ATF6: variants seen among roughly 807,000 people sequenced by gnomAD.
The protein encoded by ATF6 is activating transcription factor 6, also known as cyclic AMP-dependent transcription factor ATF-6 alpha.
A neutral mutation model predicts 83.6 loss-of-function variants in ATF6; 53 were observed. The ratio of observed to expected loss-of-function variants is 0.63; its 90% CI spans 0.51 to 0.80. ATF6 has a LOEUF of 0.80. ATF6 is among the 30% of genes least tolerant of loss of function. ATF6 has a pLI of 0.00. For synonymous variants in ATF6, 288 were observed against 285.8 expected (o/e 1.01, Z -0.08); for missense variants, 744 against 797.9 (o/e 0.93, Z 0.81).
At chr1:161,843,200 GAGGAAACTGGAGTACCCAC>G (rs1015191294) in intron 9 of ATF6, among the ~76,000 whole-genome samples, 1 of 152,170 alleles carries the variant, frequency 6.6e-6, no homozygotes, top group Non-Finnish European at 1.5e-5. Flanking sequence ...TGAGATGTGG[GAGGAAACTGGAGTACCCAC>G]AGGAAACTCA....
At chr1:161,865,938 A>G (rs981581989) in intron 14 of ATF6, among the ~76,000 whole-genome samples, 4 of 151,470 alleles carry the variant, frequency 2.6e-5, no homozygotes, top group Non-Finnish European at 4.4e-5. Context: ...TGCTGAAATG[A>G]AAATGAAATA....
intron 7 of ATF6, among the ~76,000 whole-genome samples, chr1:161,807,696 T>TAGCA (rs1685325225): frequency 6.6e-6 from 1 of 152,124 alleles, no homozygotes; most frequent in Admixed American, 6.5e-5. Flanking sequence ...TTATCTTGAA[T>TAGCA]AGCAGTTCAG....
chr1:161,954,355 C>T (rs547123687), intron 15 of ATF6, among the ~76,000 whole-genome samples: 16 of 152,270 alleles, frequency 1.1e-4, no homozygotes, highest in African/African-American at 3.4e-4. Flanking sequence ...GTACCCCACA[C>T]CCCAGGGGAT....
At chr1:161,899,456 C>G (rs993276180) in intron 14 of ATF6, among the ~76,000 whole-genome samples, 1 of 151,984 alleles carries the variant, frequency 6.6e-6, no homozygotes, top group Non-Finnish European at 1.5e-5. Context: ...TTTTCAAAAC[C>G]GATTCTCTGT....
chr1:161,841,531 T>C (rs1002832454), intron 9 of ATF6, among the ~76,000 whole-genome samples: 11 of 152,200 alleles, frequency 7.2e-5, no homozygotes, highest in African/African-American at 2.2e-4. Flanking sequence ...TTTATTAATA[T>C]ATTACCTCTT....
chr1:161,774,217 C>T (rs966308656), intron 1 of ATF6, among the ~76,000 whole-genome samples: 2 of 152,210 alleles, frequency 1.3e-5, no homozygotes, highest in Non-Finnish European at 1.5e-5. Context: ...TCTCTTCTGC[C>T]GCTATGAGAA....
At chr1:161,823,821 A>C (rs1240151028) in intron 9 of ATF6, among the ~76,000 whole-genome samples, 1 of 152,192 alleles carries the variant, frequency 6.6e-6, no homozygotes, top group African/African-American at 2.4e-5. Flanking sequence ...GGATCCCCAG[A>C]GTTCCTTGGA....
chr1:161,958,391 G>T (rs1689010326), intron 15 of ATF6, 55 bp from the exon 16 acceptor site: 1 of 1,505,406 alleles, frequency 6.6e-7, no homozygotes, highest in East Asian at 2.3e-5. Flanking sequence ...GAAGCTTATG[G>T]CAGAGATGCA....
intron 7 of ATF6, among the ~76,000 whole-genome samples, chr1:161,808,264 C>T (rs1685352943): frequency 6.6e-6 from 1 of 152,084 alleles, no homozygotes; most frequent in African/African-American, 2.4e-5. Context: ...ACTTCTCTCT[C>T]CTTTCTCTAA....
chr1:161,849,731 A>G (rs1376114738), intron 10 of ATF6, among the ~76,000 whole-genome samples: 5 of 152,038 alleles, frequency 3.3e-5, no homozygotes, highest in African/African-American at 4.8e-5. Context: ...GTTCATATCT[A>G]TATGTCCTGA....
intron 2 of ATF6, among the ~76,000 whole-genome samples, chr1:161,780,148 A>C (rs748611648): frequency 7.2e-5 from 11 of 152,048 alleles, no homozygotes; most frequent in Non-Finnish European, 1.5e-4. Context: ...TTTCATGTGC[A>C]CTTTCACATG....
At chr1:161,875,049 A>G (rs1304280438) in intron 14 of ATF6, among the ~76,000 whole-genome samples, 1 of 151,802 alleles carries the variant, frequency 6.6e-6, no homozygotes. Context: ...AAGAAACATT[A>G]ATGAGAAGAG....
chr1:161,804,078 T>A (rs2101758318), intron 7 of ATF6, among the ~76,000 whole-genome samples: 1 of 146,666 alleles, frequency 6.8e-6, no homozygotes, highest in African/African-American at 2.5e-5. Context: ...CACCTATGAG[T>A]GAGAATATGC....
rs150771457 is a variant in ATF6 at position 161,769,072 on chromosome 1, G to A, written c.82+2630G>A. On this transcript the variant is annotated intron_variant, in intron 1 of 15. Transcript: ENST00000367942. Reference sequence around the variant, plus strand: ...GAGTCTTCAAACATTTTCTGTAAAGGTTCAGATAGTAAATATTTTAGGCTT... The same window carrying A: ...GAGTCTTCAAACATTTTCTGTAAAGATTCAGATAGTAAATATTTTAGGCTT... Among the ~76,000 whole-genome samples the A allele has an allele frequency of 1.2e-3, 178 of 152,140 alleles. 1 individual carries two copies. Among genetic ancestry groups the A allele is most frequent in the Non-Finnish European group, 1.9e-3 (127 of 68,020 alleles).
At chr1:161,816,175 T>G (rs1452643295) in intron 7 of ATF6, among the ~76,000 whole-genome samples, 3 of 152,216 alleles carry the variant, frequency 2.0e-5, no homozygotes, top group Non-Finnish European at 4.4e-5. Context: ...CCTTTTTACT[T>G]TTTCCAAGGC....
intron 12 of ATF6, among the ~76,000 whole-genome samples, chr1:161,857,907 G>A (rs1686798698): frequency 6.6e-6 from 1 of 152,140 alleles, no homozygotes; most frequent in Non-Finnish European, 1.5e-5. Flanking sequence ...TGATATCAAA[G>A]TATAATCTCT....
chr1:161,851,966 G>A, intron 11 of ATF6, 131 bp downstream of exon 11: 1 of 657,456 alleles, frequency 1.5e-6, no homozygotes, highest in South Asian at 2.2e-5. Flanking sequence ...ATAACTGTAG[G>A]CATATTAGTT....
intron 15 of ATF6, among the ~76,000 whole-genome samples, chr1:161,956,914 C>T (rs956931674): frequency 1.3e-5 from 2 of 152,000 alleles, no homozygotes; most frequent in African/African-American, 4.8e-5. Context: ...ATCTGATGGC[C>T]CCTCTCTCCA....
rs571305670 is a variant in ATF6, at chr1:161,885,286, C to G, written c.1719+21974C>G. Among the ~76,000 whole-genome samples the G allele has an allele frequency of 2.7e-4, 41 of 152,224 alleles. 2 individuals are homozygous for G. The South Asian group carries it at 7.9e-3, about 29-fold the overall frequency. On this transcript the variant is annotated intron_variant, in intron 14 of 15. Coordinates refer to ENST00000367942, the MANE Select transcript of ATF6 (RefSeq NM_007348.4). ...AAACAGTAGGAGCATGAGTCAGAGC[C>G]AGCATCACCCCATTCCTTGTGTGTA...
Sources: allele counts gnomAD v4.1 joint callset (sites outside exome capture counted in the v4.1 genomes callset), GRCh38; gene constraint gnomAD v4.1.1; transcripts MANE v1.5; gene names NCBI Gene and HGNC (gene_info 2026-07-23, HGNC 2026-07-21).